Variants in ESR1 observed in about 807,000 individuals in gnomAD.
The protein encoded by ESR1 is estrogen receptor 1, also known as estrogen receptor.
Under a neutral mutation model 52.7 loss-of-function variants are expected in ESR1, and 12 were observed. The ratio of observed to expected loss-of-function variants is 0.23; its 90% CI spans 0.15 to 0.37. The LOEUF (loss-of-function observed/expected upper bound fraction) is 0.37, where lower values mean the gene tolerates loss of function less well. Ranked by LOEUF, ESR1 falls within the 10% of genes least tolerant of loss-of-function variation. The pLI is 1.00. For synonymous variants in ESR1, 305 were observed against 316.8 expected, an observed-to-expected ratio of 0.96 and a Z score of 0.39; for missense variants, 584 against 779.7, an observed-to-expected ratio of 0.75 and a Z score of 2.99.
At chr6:151,841,104 C>G (rs950931161) in intron 1 of ESR1, among the ~76,000 whole-genome samples, 3 of 152,124 alleles carry the variant, frequency 2.0e-5, no homozygotes, top group African/African-American at 7.2e-5. Flanking sequence ...GTTTTTAATC[C>G]CAACTCCTCT....
In ESR1 at chr6:152,099,174, G is replaced by A; in HGVS notation, c.*208G>A. On this transcript the variant is annotated 3_prime_UTR_variant, in exon 8 of 8. Coordinates refer to ENST00000206249, the MANE Select transcript of ESR1 (RefSeq NM_000125.4). ...TTGGGAACAGCCAAAGGGATTCCAA[G>A]GCTAAATCTTTGTAACAGCTCTCTT... The A allele has an allele frequency of 1.7e-6, 1 of 603,312 alleles. No individual in the cohort carries two copies. The highest frequency in any genetic ancestry group is 2.6e-5 in the Admixed American group (1 of 38,520). 37.4% of individuals were successfully genotyped at this position (603,312 alleles called of 1,614,324 possible).
At chr6:151,670,535 T>C (rs962682882) in intron 1 of ESR1, among the ~76,000 whole-genome samples, 7 of 152,094 alleles carry the variant, frequency 4.6e-5, no homozygotes, top group Admixed American at 3.9e-4. Flanking sequence ...AATACATCCT[T>C]CTGTAATATG....
At chr6:151,862,641 T>C (rs1039435579) in intron 2 of ESR1, among the ~76,000 whole-genome samples, 9 of 152,180 alleles carry the variant, frequency 5.9e-5, no homozygotes, top group African/African-American at 2.2e-4. Flanking sequence ...TTTGTGACTA[T>C]CAGACCAGAA....
At chr6:151,890,740 C>T (rs901491590) in intron 3 of ESR1, among the ~76,000 whole-genome samples, 2 of 151,966 alleles carry the variant, frequency 1.3e-5, no homozygotes, top group Admixed American at 1.3e-4. Flanking sequence ...ATTTAATGGC[C>T]TTCTTTGTCT....
chr6:151,741,866 A>T (rs1469457740), intron 2 of ESR1, among the ~76,000 whole-genome samples: 2 of 152,214 alleles, frequency 1.3e-5, no homozygotes, highest in African/African-American at 4.8e-5. Flanking sequence ...GTTGTAGATT[A>T]AATCTCTAGA....
At chr6:151,843,404 G>T (rs979757300) in intron 2 of ESR1, among the ~76,000 whole-genome samples, 1 of 152,202 alleles carries the variant, frequency 6.6e-6, no homozygotes, top group Admixed American at 6.6e-5. Flanking sequence ...TTTCCCGCCT[G>T]CCTCCATTGT....
chr6:151,850,763 A>G (rs4870057), intron 2 of ESR1, among the ~76,000 whole-genome samples: 41,046 of 151,926 alleles, frequency 0.27, 5,958 homozygotes, highest in Middle Eastern at 0.37. Flanking sequence ...TTCTTATTGC[A>G]GCCTCTGGCT....
intron 1 of ESR1, among the ~76,000 whole-genome samples, chr6:151,821,522 C>CT (rs1583470176): frequency 6.6e-6 from 1 of 151,980 alleles, no homozygotes; most frequent in Non-Finnish European, 1.5e-5. Flanking sequence ...TGTTTTTCTT[C>CT]TTTTTTTCTG....
chr6:152,079,150 C>G (rs2048987415), intron 6 of ESR1, among the ~76,000 whole-genome samples: 1 of 152,220 alleles, frequency 6.6e-6, no homozygotes, highest in Non-Finnish European at 1.5e-5. Context: ...GCACAGTGTT[C>G]AAGCTCCAAG....
chr6:151,764,922 G>A (rs1490291870), intron 2 of ESR1, among the ~76,000 whole-genome samples: 1 of 152,086 alleles, frequency 6.6e-6, no homozygotes, highest in South Asian at 2.1e-4. Context: ...GAACAGTGCT[G>A]TACAATAGAA....
intron 5 of ESR1, among the ~76,000 whole-genome samples, chr6:152,037,129 A>G (rs2045372982): frequency 6.6e-6 from 1 of 152,236 alleles, no homozygotes. Context: ...AAATTAGAGC[A>G]ATAGCATCGG....
chr6:151,758,290 G>A (rs758305904), intron 2 of ESR1, among the ~76,000 whole-genome samples: 5 of 152,094 alleles, frequency 3.3e-5, no homozygotes, highest in South Asian at 2.1e-4. Flanking sequence ...AAATATACTC[G>A]TCTCCTCAGT....
At position 152,100,405 on chromosome 6, in the gene ESR1, C is replaced by T. The variant is rs916060240; in HGVS notation, c.*1439C>T. 3 of 287,142 alleles carry T rather than the reference C, an allele frequency of 1.0e-5. No homozygotes were observed. The highest frequency in any genetic ancestry group is 1.3e-5 in the Non-Finnish European group (2 of 154,214). 17.8% of individuals were successfully genotyped at this position (287,142 alleles called of 1,614,324 possible). A position where few individuals can be genotyped will look rare whatever the true frequency, so the allele number is the denominator to read the frequency against. Reference sequence around the variant, plus strand: ...TTTGGTTTGGGGAAGAAAATCCTCCCCCTTCCTCCCCCGCCCCGTTCCCTA... The same window carrying T: ...TTTGGTTTGGGGAAGAAAATCCTCCTCCTTCCTCCCCCGCCCCGTTCCCTA... On this transcript the variant is annotated 3_prime_UTR_variant, in exon 8 of 8. Transcript: ENST00000206249.
At chr6:151,777,216 C>T (rs1367772068) in intron 2 of ESR1, among the ~76,000 whole-genome samples, 1 of 150,420 alleles carries the variant, frequency 6.6e-6, no homozygotes. Flanking sequence ...CTCCCTGGTT[C>T]AAGCGATTCT....
intron 5 of ESR1, among the ~76,000 whole-genome samples, chr6:152,035,514 C>T (rs3020429): frequency 0.4 from 60,278 of 151,782 alleles, 14,344 homozygotes; most frequent in African/African-American, 0.66. Context: ...CTTGACAAAT[C>T]GGTCTATAAA....
At chr6:151,855,016 C>G (rs997164899) in intron 2 of ESR1, among the ~76,000 whole-genome samples, 1 of 152,146 alleles carries the variant, frequency 6.6e-6, no homozygotes. Context: ...CAGGTTCAAG[C>G]GATTCTCCTG....
chr6:152,083,147 G>A (rs1386909339), intron 6 of ESR1, among the ~76,000 whole-genome samples: 2 of 152,130 alleles, frequency 1.3e-5, no homozygotes, highest in Non-Finnish European at 2.9e-5. Flanking sequence ...AAAAGAGCCT[G>A]CATAGCCAAG....
chr6:152,056,235 G>C (rs2047091320), intron 5 of ESR1, among the ~76,000 whole-genome samples: 1 of 152,178 alleles, frequency 6.6e-6, no homozygotes, highest in Non-Finnish European at 1.5e-5. Flanking sequence ...TTGAGCACAT[G>C]CTGAGAGATT....
chr6:151,760,073 C>T (rs191312861), intron 2 of ESR1, among the ~76,000 whole-genome samples: 167 of 152,282 alleles, frequency 1.1e-3, no homozygotes, highest in African/African-American at 3.9e-3. Flanking sequence ...CAGGGATCAC[C>T]TTATCATGGA....
Sources: gnomAD v4.1 joint callset for allele counts (sites outside exome capture counted in the v4.1 genomes callset) on GRCh38, gnomAD v4.1.1 for gene constraint, MANE v1.5 for transcripts, NCBI Gene and HGNC (gene_info 2026-07-23, HGNC 2026-07-21) for gene names.